The following DISC1 variants were observed in gnomAD, a reference collection of about 807,000 sequenced individuals.
DISC1 encodes DISC1 scaffold protein, also known as disrupted in schizophrenia 1 protein.
A neutral mutation model predicts 84.5 loss-of-function variants in DISC1; 57 were observed. The ratio of observed to expected loss-of-function variants is 0.67; its 90% CI spans 0.55 to 0.84. The LOEUF is 0.84. Among genes scored for constraint, DISC1 ranks in the 40% least tolerant of loss-of-function variants. The pLI, the probability that DISC1 is intolerant of heterozygous loss-of-function variation, is 0.00. For synonymous variants in DISC1, 411 were observed against 415.2 expected, an observed-to-expected ratio of 0.99 and a Z score of 0.12; for missense variants, 1,000 against 1,057.8, an observed-to-expected ratio of 0.95 and a Z score of 0.76.
chr1:231,762,510 TTTTG>T (rs201654680), intron 4 of DISC1, among the ~76,000 whole-genome samples: 509 of 45,222 alleles, frequency 0.011, 25 homozygotes, highest in Non-Finnish European at 0.023. Context: ...TTTAGTTTTG[TTTTG>T]TTTTTTTTTT....
At chr1:231,744,889 A>G (rs1173824443) in intron 3 of DISC1, among the ~76,000 whole-genome samples, 3 of 152,208 alleles carry the variant, frequency 2.0e-5, no homozygotes, top group African/African-American at 7.2e-5. Flanking sequence ...GAGTATCTAC[A>G]GAATCCTTCT....
intron 2 of DISC1, among the ~76,000 whole-genome samples, chr1:231,701,499 T>G (rs2066415996): frequency 6.6e-6 from 1 of 152,350 alleles, no homozygotes; most frequent in East Asian, 1.9e-4. Context: ...GTGAGAGCTT[T>G]GCCATCATTC....
At chr1:231,818,631 G>A in intron 9 of DISC1, 114 bp downstream of exon 9, 3 of 1,503,832 alleles carry the variant, frequency 2.0e-6, no homozygotes, top group South Asian at 1.3e-5. Context: ...GCGTCATGGA[G>A]CACATGGCCC....
chr1:231,763,323 G>A (rs1202280625), intron 4 of DISC1, among the ~76,000 whole-genome samples: 1 of 152,210 alleles, frequency 6.6e-6, no homozygotes, highest in Non-Finnish European at 1.5e-5. Context: ...AGAAGCGAAT[G>A]TGATCAAAAG....
At chr1:231,870,069 C>T (rs557266037) in intron 9 of DISC1, among the ~76,000 whole-genome samples, 1 of 152,082 alleles carries the variant, frequency 6.6e-6, no homozygotes, top group South Asian at 2.1e-4. Flanking sequence ...GTCCTAGAGA[C>T]AGGTCAGTTC....
chr1:231,926,649 A>G (rs979814341), intron 9 of DISC1, among the ~76,000 whole-genome samples: 3 of 152,240 alleles, frequency 2.0e-5, no homozygotes, highest in Non-Finnish European at 4.4e-5. Flanking sequence ...GAGTCCAGAT[A>G]TTAATAGATC....
chr1:231,713,703 G>GATATAT (rs141599033), intron 3 of DISC1, among the ~76,000 whole-genome samples: 17 of 129,464 alleles, frequency 1.3e-4, no homozygotes, highest in African/African-American at 5.0e-4. Context: ...ATATATAGGA[G>GATATAT]ATATATATAT....
intron 9 of DISC1, among the ~76,000 whole-genome samples, chr1:231,850,346 C>G (rs2083801408): frequency 6.6e-6 from 1 of 152,240 alleles, no homozygotes; most frequent in African/African-American, 2.4e-5. Flanking sequence ...ACCAATGACG[C>G]CAGAGTTGAC....
intron 9 of DISC1, among the ~76,000 whole-genome samples, chr1:231,914,950 A>G (rs201290466): frequency 1.5e-3 from 235 of 152,322 alleles, no homozygotes; most frequent in Non-Finnish European, 2.7e-3. Context: ...GAGGGCTAAT[A>G]AAGAATGAAA....
chr1:231,649,125 T>G (rs1165893514), intron 1 of DISC1, among the ~76,000 whole-genome samples: 1 of 152,224 alleles, frequency 6.6e-6, no homozygotes, highest in Non-Finnish European at 1.5e-5. Flanking sequence ...CTCTTGCTTC[T>G]CTAGTTCTTT....
intron 3 of DISC1, among the ~76,000 whole-genome samples, chr1:231,710,056 C>T (rs905155192): frequency 3.9e-5 from 6 of 152,050 alleles, no homozygotes; most frequent in Admixed American, 6.6e-5. Context: ...GCAGTGACTT[C>T]GATCATCTGG....
intron 1 of DISC1, among the ~76,000 whole-genome samples, chr1:231,651,692 A>G (rs2060636363): frequency 6.6e-6 from 1 of 152,246 alleles, no homozygotes; most frequent in African/African-American, 2.4e-5. Context: ...CTGCCCCTAG[A>G]GCTGGGGTCT....
At chr1:231,769,029 G>T (rs531372895) in intron 5 of DISC1, among the ~76,000 whole-genome samples, 3 of 152,240 alleles carry the variant, frequency 2.0e-5, no homozygotes, top group Non-Finnish European at 4.4e-5. Flanking sequence ...TGAGGGGGAG[G>T]ATTTGGGGAG....
chr1:231,778,845 C>T (rs568109794), intron 6 of DISC1, among the ~76,000 whole-genome samples: 109 of 152,262 alleles, frequency 7.2e-4, no homozygotes, highest in Admixed American at 1.5e-3. Flanking sequence ...AACCACTGAA[C>T]GGATTCCCTC....
At chr1:231,725,888 G>A (rs1362346276) in intron 3 of DISC1, among the ~76,000 whole-genome samples, 4 of 152,102 alleles carry the variant, frequency 2.6e-5, no homozygotes, top group African/African-American at 9.7e-5. Flanking sequence ...TTGGTCCTAC[G>A]AGTGCTGGAG....
intron 1 of DISC1, among the ~76,000 whole-genome samples, chr1:231,638,713 T>TA (rs1558216155): frequency 6.6e-6 from 1 of 152,234 alleles, no homozygotes; most frequent in Non-Finnish European, 1.5e-5. Context: ...TGTCTATTTT[T>TA]ATACCAGCCT....
Position 232,008,957 on chromosome 1 carries a change from G to T in DISC1, c.2215G>T (p.Glu739Ter). 6.2e-7 allele frequency: 1 copy of T among 1,613,788 alleles called. No individual in the cohort carries two copies. Among genetic ancestry groups the T allele is most frequent in the Non-Finnish European group, 8.5e-7 (1 of 1,179,830 alleles). The change falls in exon 11 of 13, where the codon GAG becomes TAG. Residue 739 changes from glutamate to a stop codon, truncating the protein, a stop_gained. Coordinates refer to ENST00000439617, the MANE Select transcript of DISC1 (RefSeq NM_018662.3). LOFTEE classifies it high-confidence loss of function. ...TCCTATTCCCCCCAGGCTCCACTCCGAGGATAAAAGGAAGACCCCTTTGAA... is the reference window on the plus strand; with the variant it reads ...TCCTATTCCCCCCAGGCTCCACTCCTAGGATAAAAGGAAGACCCCTTTGAA... Reference protein sequence around the residue: ...APPIPPRLHSEDKRKTPLKVL... With the variant: ...APPIPPRLHS
intron 10 of DISC1, among the ~76,000 whole-genome samples, chr1:231,981,538 T>G (rs1421628690): frequency 2.0e-5 from 3 of 152,206 alleles, no homozygotes; most frequent in Non-Finnish European, 4.4e-5. Context: ...GCATTCTACT[T>G]GAAGCCACAG....
chr1:231,667,899 G>A (rs1211358199), intron 1 of DISC1, among the ~76,000 whole-genome samples: 2 of 152,040 alleles, frequency 1.3e-5, no homozygotes, highest in Non-Finnish European at 2.9e-5. Flanking sequence ...AAAAAAAGCT[G>A]TACATACTTA....
Sources: allele counts gnomAD v4.1 joint callset (sites outside exome capture counted in the v4.1 genomes callset), GRCh38; gene constraint gnomAD v4.1.1; transcripts MANE v1.5; gene names NCBI Gene and HGNC (gene_info 2026-07-23, HGNC 2026-07-21).